LPAR3: variants seen among roughly 807,000 people sequenced by gnomAD.
The protein encoded by LPAR3 is LPA receptor 3.
LPAR3 carries 7 observed loss-of-function variants against 17.8 expected under a neutral mutation model. The ratio of observed to expected loss-of-function variants is 0.39; its 90% CI spans 0.22 to 0.74. The LOEUF (loss-of-function observed/expected upper bound fraction) is 0.74. LPAR3 is among the 30% of genes least tolerant of loss of function. LPAR3 has a pLI of 0.40. For synonymous variants in LPAR3, 179 were observed against 179.9 expected (o/e 0.99, Z 0.04); for missense variants, 391 against 453.4 (o/e 0.86, Z 1.25).
Position 84,865,968 on chromosome 1 carries a change from G to T in LPAR3, c.153C>A (p.Val51=). Reference sequence around the variant, plus strand: ...TTCTGTTTTTGATCACTGCCGCGATGACCAGAGAATTAGAAAAAAAAATAA... The same window carrying T: ...TTCTGTTTTTGATCACTGCCGCGATTACCAGAGAATTAGAAAAAAAAATAA... ...CLFIFFSNSL[V]IAAVIKNRKF... Residue 51 remains valine (V), a synonymous_variant, in exon 2 of 3, where the codon GTC becomes GTA. Transcript: ENST00000370611. 6.2e-7 allele frequency: 1 copy of T among 1,613,956 alleles called. No homozygotes were observed. Among genetic ancestry groups the T allele is most frequent in the South Asian group, 1.1e-5 (1 of 91,040 alleles).
chr1:84,859,762 T>C (rs892725897), intron 2 of LPAR3, among the ~76,000 whole-genome samples: 1 of 152,164 alleles, frequency 6.6e-6, no homozygotes, highest in Non-Finnish European at 1.5e-5. Context: ...AAAAGAATGG[T>C]TTGCAAGTCC....
At chr1:84,856,789 T>C (rs1471232216) in intron 2 of LPAR3, among the ~76,000 whole-genome samples, 2 of 152,204 alleles carry the variant, frequency 1.3e-5, no homozygotes, top group Admixed American at 1.3e-4. Context: ...CACAAGATGT[T>C]GGTGCTGTAT....
intron 2 of LPAR3, among the ~76,000 whole-genome samples, chr1:84,852,992 G>T (rs886901951): frequency 6.6e-6 from 1 of 151,930 alleles, no homozygotes; most frequent in East Asian, 1.9e-4. Context: ...ACACTGGCTC[G>T]TGCCTATAAT....
intron 2 of LPAR3, among the ~76,000 whole-genome samples, chr1:84,854,859 A>C (rs745337731): frequency 1.3e-5 from 2 of 152,236 alleles, no homozygotes; most frequent in South Asian, 2.1e-4. Flanking sequence ...CCACTAGAAG[A>C]AGCAGGAACT....
At chr1:84,835,503 G>C (rs1000737415) in intron 2 of LPAR3, among the ~76,000 whole-genome samples, 2 of 152,142 alleles carry the variant, frequency 1.3e-5, no homozygotes, top group African/African-American at 4.8e-5. Flanking sequence ...TAAACAATGA[G>C]CATATCTAGT....
chr1:84,818,576 C>T (rs1028146947), intron 2 of LPAR3, among the ~76,000 whole-genome samples: 9 of 152,046 alleles, frequency 5.9e-5, no homozygotes, highest in African/African-American at 2.2e-4. Context: ...ATATAGTGAA[C>T]TTTAAAAAAT....
chr1:84,887,636 G>A (rs1301370585), intron 1 of LPAR3, among the ~76,000 whole-genome samples: 1 of 152,164 alleles, frequency 6.6e-6, no homozygotes, highest in Non-Finnish European at 1.5e-5. Flanking sequence ...GGTGATTGAG[G>A]TCAATATCCC....
At chr1:84,844,938 T>C (rs892811707) in intron 2 of LPAR3, among the ~76,000 whole-genome samples, 1 of 152,208 alleles carries the variant, frequency 6.6e-6, no homozygotes, top group South Asian at 2.1e-4. Context: ...AATCATATAT[T>C]CTACAATGTG....
chr1:84,875,206 G>C (rs1202357033), intron 1 of LPAR3, among the ~76,000 whole-genome samples: 1 of 152,146 alleles, frequency 6.6e-6, no homozygotes, highest in African/African-American at 2.4e-5. Context: ...GGCCGAGAAT[G>C]TCAAATTTTA....
chr1:84,875,052 A>C (rs1166945472), intron 1 of LPAR3, among the ~76,000 whole-genome samples: 1 of 152,056 alleles, frequency 6.6e-6, no homozygotes, highest in Admixed American at 6.5e-5. Context: ...GGCCCAAGCC[A>C]CCATGCCCGG....
At chr1:84,850,183 C>T (rs1404145996) in intron 2 of LPAR3, among the ~76,000 whole-genome samples, 1 of 152,034 alleles carries the variant, frequency 6.6e-6, no homozygotes, top group Non-Finnish European at 1.5e-5. Context: ...AAAAGACCCA[C>T]AAATTATGTA....
At chr1:84,837,449 C>T (rs538888921) in intron 2 of LPAR3, among the ~76,000 whole-genome samples, 4 of 152,236 alleles carry the variant, frequency 2.6e-5, no homozygotes, top group East Asian at 1.9e-4. Flanking sequence ...GCCAGTCTGG[C>T]GCCAGCAAGA....
At chr1:84,820,553 C>T (rs1398397839) in intron 2 of LPAR3, among the ~76,000 whole-genome samples, 3 of 152,058 alleles carry the variant, frequency 2.0e-5, no homozygotes, top group Non-Finnish European at 4.4e-5. Flanking sequence ...GGTTTTAACC[C>T]AGGAAGATGA....
chr1:84,879,567 T>C (rs949742954), intron 1 of LPAR3, among the ~76,000 whole-genome samples: 1 of 152,148 alleles, frequency 6.6e-6, no homozygotes, highest in Non-Finnish European at 1.5e-5. Context: ...CACCTCGGCC[T>C]CCCAAAGTGA....
At chr1:84,847,289 A>G (rs1268632109) in intron 2 of LPAR3, among the ~76,000 whole-genome samples, 1 of 152,206 alleles carries the variant, frequency 6.6e-6, no homozygotes, top group Non-Finnish European at 1.5e-5. Context: ...GGGCCTTCAG[A>G]ATACCTCAGT....
intron 2 of LPAR3, among the ~76,000 whole-genome samples, chr1:84,860,229 A>G (rs1659913185): frequency 6.6e-6 from 1 of 152,182 alleles, no homozygotes; most frequent in Admixed American, 6.5e-5. Context: ...ACTACCCTCA[A>G]GGAAAGAGTC....
chr1:84,817,802 C>CAAAA (rs10674807), intron 2 of LPAR3, among the ~76,000 whole-genome samples: 2 of 119,784 alleles, frequency 1.7e-5, no homozygotes, highest in African/African-American at 3.3e-5. Context: ...CTTTCCTGGC[C>CAAAA]AAAAAAAAAA....
chr1:84,874,335 C>A (rs538154892), intron 1 of LPAR3, among the ~76,000 whole-genome samples: 38 of 152,246 alleles, frequency 2.5e-4, no homozygotes, highest in African/African-American at 6.7e-4. Context: ...GTTTTGGAGA[C>A]CTTTAGGCAG....
intron 2 of LPAR3, among the ~76,000 whole-genome samples, chr1:84,816,138 A>G (rs181640073): frequency 1.6e-4 from 25 of 152,318 alleles, no homozygotes; most frequent in Admixed American, 5.2e-4. Flanking sequence ...TCAATGTGAC[A>G]GATTCAGACT....
Sources: allele counts gnomAD v4.1 joint callset (sites outside exome capture counted in the v4.1 genomes callset), GRCh38; gene constraint gnomAD v4.1.1; transcripts MANE v1.5; gene names NCBI Gene and HGNC (gene_info 2026-07-23, HGNC 2026-07-21).